KCND2: variants seen among roughly 807,000 people sequenced by gnomAD.
The protein encoded by KCND2 is potassium voltage-gated channel subfamily D member 2.
A neutral mutation model predicts 54.4 loss-of-function variants in KCND2; 16 were observed. The ratio of observed to expected loss-of-function variants is 0.29; its 90% CI spans 0.20 to 0.45. The LOEUF (loss-of-function observed/expected upper bound fraction) is 0.45, where lower values mean the gene tolerates loss of function less well. Ranked by LOEUF, KCND2 falls within the 20% of genes least tolerant of loss-of-function variation. The probability of loss-of-function intolerance (pLI) is 1.00; values close to 1 mark genes in which losing one functional copy is unlikely to be tolerated. For missense variants in KCND2, 486 were observed against 824.2 expected (o/e 0.59, Z 5.02); for synonymous variants, 317 against 310.7 (o/e 1.02, Z -0.21).
chr7:120,406,312 A>G (rs752715621), intron 1 of KCND2, among the ~76,000 whole-genome samples: 231 of 152,138 alleles, frequency 1.5e-3, no homozygotes, highest in African/African-American at 5.4e-3. Flanking sequence ...GGTTTGTACA[A>G]CATAAAAGAT....
intron 1 of KCND2, among the ~76,000 whole-genome samples, chr7:120,568,539 A>G (rs1475658429): frequency 6.6e-6 from 1 of 152,162 alleles, no homozygotes; most frequent in African/African-American, 2.4e-5. Context: ...CAAAAAAGTT[A>G]CTTAAAATAT....
At chr7:120,317,710 A>G (rs1799833685) in intron 1 of KCND2, among the ~76,000 whole-genome samples, 1 of 152,200 alleles carries the variant, frequency 6.6e-6, no homozygotes, top group African/African-American at 2.4e-5. Flanking sequence ...CTGAGATTGC[A>G]GTACATGGCT....
intron 1 of KCND2, among the ~76,000 whole-genome samples, chr7:120,432,507 A>ACG (rs1344171280): frequency 6.6e-6 from 1 of 152,124 alleles, no homozygotes; most frequent in Non-Finnish European, 1.5e-5. Flanking sequence ...ACACGCACAC[A>ACG]CACACACACA....
At chr7:120,486,810 A>C (rs1326066020) in intron 1 of KCND2, among the ~76,000 whole-genome samples, 1 of 151,906 alleles carries the variant, frequency 6.6e-6, no homozygotes, top group Admixed American at 6.6e-5. Flanking sequence ...TTTTAAACGT[A>C]TGTGTAATAA....
chr7:120,403,614 G>A (rs1801300726), intron 1 of KCND2, among the ~76,000 whole-genome samples: 1 of 151,410 alleles, frequency 6.6e-6, no homozygotes, highest in Admixed American at 6.6e-5. Context: ...ACTGGCATGA[G>A]CCACCATGCC....
intron 1 of KCND2, among the ~76,000 whole-genome samples, chr7:120,612,269 G>A (rs1204793142): frequency 6.6e-6 from 1 of 152,144 alleles, no homozygotes. Context: ...CAATCCCCAT[G>A]CCCACACACT....
intron 1 of KCND2, among the ~76,000 whole-genome samples, chr7:120,457,397 C>A (rs1292269358): frequency 6.6e-6 from 1 of 152,196 alleles, no homozygotes; most frequent in Non-Finnish European, 1.5e-5. Flanking sequence ...CTCTTGAATT[C>A]TTTGCCACTT....
intron 1 of KCND2, among the ~76,000 whole-genome samples, chr7:120,693,624 T>A (rs1422953002): frequency 6.6e-6 from 1 of 152,104 alleles, no homozygotes; most frequent in Non-Finnish European, 1.5e-5. Flanking sequence ...GCTTCCAATG[T>A]GTGATTATTG....
intron 1 of KCND2, among the ~76,000 whole-genome samples, chr7:120,286,766 C>G (rs377320270): frequency 6.6e-6 from 1 of 152,036 alleles, no homozygotes; most frequent in African/African-American, 2.4e-5. Context: ...TCTTATGACT[C>G]TATCAGACTT....
intron 1 of KCND2, among the ~76,000 whole-genome samples, chr7:120,416,877 G>A (rs1372734997): frequency 2.0e-5 from 3 of 151,886 alleles, no homozygotes; most frequent in South Asian, 2.1e-4. Flanking sequence ...GCAGAGTCTC[G>A]CTCTGTTGCC....
At chr7:120,667,103 G>A (rs976634894) in intron 1 of KCND2, among the ~76,000 whole-genome samples, 1 of 151,954 alleles carries the variant, frequency 6.6e-6, no homozygotes, top group Admixed American at 6.6e-5. Flanking sequence ...TCACTTCTTG[G>A]GTGTAGAGTA....
chr7:120,295,485 T>C (rs1335668833), intron 1 of KCND2, among the ~76,000 whole-genome samples: 1 of 151,482 alleles, frequency 6.6e-6, no homozygotes, highest in Non-Finnish European at 1.5e-5. Context: ...ATTATGGTGC[T>C]TGGGGAGGGA....
chr7:120,463,234 C>CT (rs200646535), intron 1 of KCND2, among the ~76,000 whole-genome samples: 62 of 149,928 alleles, frequency 4.1e-4, no homozygotes, highest in African/African-American at 1.2e-3. Context: ...GAAGTATGTC[C>CT]TTTTTTTTTC....
chr7:120,538,042 T>C (rs531164666), intron 1 of KCND2, among the ~76,000 whole-genome samples: 1 of 152,338 alleles, frequency 6.6e-6, no homozygotes, highest in African/African-American at 2.4e-5. Flanking sequence ...CTATTTCAGC[T>C]TTTCACATGC....
chr7:120,624,616 GA>G (rs1441849191), intron 1 of KCND2, among the ~76,000 whole-genome samples: 1 of 151,706 alleles, frequency 6.6e-6, no homozygotes, highest in African/African-American at 2.4e-5. Flanking sequence ...CTTGTCTCAA[GA>G]AAAAAATTCA....
At position 120,517,424 on chromosome 7, in the gene KCND2, G is replaced by T. The variant is rs185999275; in HGVS notation, c.1116-215479G>T. Among the ~76,000 whole-genome samples, 13 of 152,118 alleles carry T rather than the reference G, an allele frequency of 8.5e-5. No homozygotes were observed. The East Asian group carries it at 2.5e-3, about 29-fold the overall frequency. ...AAAGTTCAAGTAATAATTAATATCA[G>T]TAAACTGTGAGATGTCAAAAAGTGA... On this transcript the variant is annotated intron_variant, in intron 1 of 5. Transcript: ENST00000331113.
chr7:120,583,876 C>A (rs10253512), intron 1 of KCND2, among the ~76,000 whole-genome samples: 14,879 of 151,688 alleles, frequency 0.098, 1,029 homozygotes, highest in African/African-American at 0.21. Flanking sequence ...AGACATTAAA[C>A]TTTGAGGAAG....
At chr7:120,432,254 T>C (rs1431414312) in intron 1 of KCND2, among the ~76,000 whole-genome samples, 2 of 152,224 alleles carry the variant, frequency 1.3e-5, no homozygotes, top group African/African-American at 2.4e-5. Flanking sequence ...TGTACTAATA[T>C]CTCCGTAAAG....
chr7:120,575,165 C>T (rs1457660670), intron 1 of KCND2, among the ~76,000 whole-genome samples: 1 of 152,012 alleles, frequency 6.6e-6, no homozygotes, highest in Non-Finnish European at 1.5e-5. Context: ...CTCACATGAT[C>T]ACAAAGTGAG....
Sources: allele counts gnomAD v4.1 joint callset (sites outside exome capture counted in the v4.1 genomes callset), GRCh38; gene constraint gnomAD v4.1.1; transcripts MANE v1.5; gene names NCBI Gene and HGNC (gene_info 2026-07-23, HGNC 2026-07-21).